The following ZNF555 variants were observed in gnomAD, a reference collection of about 807,000 sequenced individuals.
ZNF555 encodes the protein zinc finger protein 555.
Under a neutral mutation model 14.0 loss-of-function variants are expected in ZNF555, and 10 were observed. That is an observed-to-expected ratio of 0.72 (90% CI 0.44 to 1.21). The LOEUF is 1.21. Ranked by LOEUF, ZNF555 falls within the 50% of genes most tolerant of loss-of-function variation. ZNF555 has a pLI of 0.00. For missense variants in ZNF555, 747 were observed against 762.0 expected (o/e 0.98, Z 0.23); for synonymous variants, 277 against 262.4 (o/e 1.06, Z -0.54).
intron 1 of ZNF555, among the ~76,000 whole-genome samples, chr19:2,850,106 T>A (rs1349488274): frequency 6.6e-6 from 1 of 152,230 alleles, no homozygotes; most frequent in African/African-American, 2.4e-5. Flanking sequence ...TTTAAGACGC[T>A]ATGGCTACCT....
Position 2,853,981 on chromosome 19 carries a change from G to A in ZNF555, c.*29G>A. The stretch of plus-strand genomic sequence containing the variant: ...CCTTATCCTGAAAGTGGACACTCAA[G>A]GAGTGTGTCTGTAGTTCATTTGCAA... On this transcript the variant is annotated 3_prime_UTR_variant, in exon 4 of 4. Transcript: ENST00000334241. The A allele has an allele frequency of 6.2e-7, 1 of 1,610,044 alleles. No homozygotes were observed. The highest frequency in any genetic ancestry group is 8.5e-7 in the Non-Finnish European group (1 of 1,178,806).
Position 2,854,218 on chromosome 19 carries a change from A to T in ZNF555, c.*266A>T, listed in dbSNP as rs1254223021. ...ACTGACTTAGTGTGACAGGTATTGG[A>T]TATTACGTATCTATTATATTTTCCA... is the stretch of plus-strand genomic sequence containing the variant. On this transcript the variant is annotated 3_prime_UTR_variant, in exon 4 of 4. Coordinates refer to ENST00000334241, the MANE Select transcript of ZNF555 (RefSeq NM_152791.5). 7.1e-6 allele frequency: 3 copies of T among 422,584 alleles called. No individual in the cohort carries two copies. Among genetic ancestry groups the T allele is most frequent in the Non-Finnish European group, 1.3e-5 (3 of 236,784 alleles). The allele number at this position is 422,584 out of a possible 1,614,324, so 26.2% of individuals were successfully genotyped here. A position where few individuals can be genotyped will look rare whatever the true frequency, so the allele number is the denominator to read the frequency against.
intron 1 of ZNF555, chr19:2,847,199 G>C (rs910536311): frequency 1.3e-5 from 2 of 152,186 alleles, no homozygotes; most frequent in African/African-American, 4.8e-5. Context: ...CGATGCGGTA[G>C]TATTCCTCGT....
chr19:2,841,716 G>T (rs575869117), intron 1 of ZNF555, 141 bp downstream of exon 1: 3 of 1,020,904 alleles, frequency 2.9e-6, no homozygotes, highest in Non-Finnish European at 1.3e-6. Context: ...GGCCCCGGGG[G>T]TCCCGCCCGG....
At chr19:2,846,174 G>A (rs144926403) in intron 1 of ZNF555, among the ~76,000 whole-genome samples, 12 of 152,328 alleles carry the variant, frequency 7.9e-5, no homozygotes, top group Admixed American at 3.3e-4. Context: ...GCATGTCTGT[G>A]ATACCAGTTC....
rs552737562 is a variant in ZNF555, at chr19:2,857,625, T to C, written c.*3673T>C. The stretch of plus-strand genomic sequence containing the variant: ...AAAACTCATAAGGCTACTCTTAAAA[T>C]AGCAAATTTTGTTGTATGTATATTT... On this transcript the variant is annotated 3_prime_UTR_variant, in exon 4 of 4. Transcript: ENST00000334241. The C allele has an allele frequency of 9.8e-5, 15 of 152,336 alleles. No individual in the cohort carries two copies. The highest frequency in any genetic ancestry group is 8.5e-4 in the Admixed American group (13 of 15,296). The allele number at this position is 152,336 out of a possible 1,614,324, so 9.4% of individuals were successfully genotyped here.
chr19:2,851,221 C>T (rs2087627142), intron 2 of ZNF555, among the ~76,000 whole-genome samples: 1 of 152,026 alleles, frequency 6.6e-6, no homozygotes, highest in Admixed American at 6.5e-5. Context: ...TGCTCTTGAA[C>T]TCCTGACGTT....
In ZNF555 at chr19:2,856,534, C is replaced by G. The variant is rs2144862216; in HGVS notation, c.*2582C>G. 1.3e-5 allele frequency: 2 copies of G among 152,258 alleles called. No individual in the cohort carries two copies. Among genetic ancestry groups the G allele is most frequent in the South Asian group, 4.1e-4 (2 of 4,828 alleles). 9.4% of individuals were successfully genotyped at this position (152,258 alleles called of 1,614,324 possible). On this transcript the variant is annotated 3_prime_UTR_variant, in exon 4 of 4. Transcript: ENST00000334241. ...ATGATTTCTTATTTGTGGTTAATAA[C>G]AATTAAAAAGCGGAAATAATGGTTT... is the stretch of plus-strand genomic sequence containing the variant.
rs2087638429 is a variant in ZNF555, at chr19:2,852,424, G to A, written c.359G>A (p.Cys120Tyr). ...AGACTCTGTGAAAGTAATGATCAAT[G>A]TGGAGAAGCCCTCAGCCAGATTCCA... Reference protein sequence around the residue: ...LERLCESNDQCGEALSQIPHL... With the variant: ...LERLCESNDQYGEALSQIPHL... The change falls in exon 4 of 4, where the codon TGT (cysteine) becomes TAT (tyrosine). Residue 120 changes from cysteine to tyrosine, a missense_variant. Cys to Tyr is a radical substitution (Grantham distance 194). Transcript: ENST00000334241. 3.1e-6 allele frequency: 5 copies of A among 1,614,154 alleles called. No homozygotes were observed. Among genetic ancestry groups the A allele is most frequent in the Non-Finnish European group, 4.2e-6 (5 of 1,180,028 alleles).
rs1432530748 is a variant in ZNF555 at position 2,855,747 on chromosome 19, G to T, written c.*1795G>T. The T allele has an allele frequency of 6.6e-6, 1 of 152,142 alleles. No homozygotes were observed. The highest frequency in any genetic ancestry group is 6.5e-5 in the Admixed American group (1 of 15,270). 9.4% of individuals were successfully genotyped at this position (152,142 alleles called of 1,614,324 possible). The stretch of plus-strand genomic sequence containing the variant: ...GCAGGACCATGCTTTTTCTGAAGAT[G>T]CTAGGGAAGGATCTGTTTCAGAACT... On this transcript the variant is annotated 3_prime_UTR_variant, in exon 4 of 4. Transcript: ENST00000334241.
intron 1 of ZNF555, among the ~76,000 whole-genome samples, chr19:2,844,064 C>A (rs2087561096): frequency 7.0e-6 from 1 of 142,744 alleles, no homozygotes; most frequent in Non-Finnish European, 1.5e-5. Flanking sequence ...TCTTTTTTTT[C>A]TTTCTCCCTC....
chr19:2,851,704 T>C (rs2087632146), intron 3 of ZNF555, 53 bp downstream of exon 3: 22 of 1,389,676 alleles, frequency 1.6e-5, no homozygotes, highest in Non-Finnish European at 2.0e-5. Flanking sequence ...TCTTAGTCTG[T>C]CATTAAACTT....
rs997271928 is a variant in ZNF555, at chr19:2,857,155, T to C, written c.*3203T>C. 1.3e-5 allele frequency: 2 copies of C among 152,202 alleles called. No individual in the cohort carries two copies. Among genetic ancestry groups the C allele is most frequent in the Non-Finnish European group, 2.9e-5 (2 of 68,044 alleles). 9.4% of individuals were successfully genotyped at this position (152,202 alleles called of 1,614,324 possible). A position where few individuals can be genotyped will look rare whatever the true frequency, so the allele number is the denominator to read the frequency against. ...TTAAAGAGCAAACAATATCCAGTAATCTCCATTACTTTCCATGTTAACATA... is the reference window on the plus strand; with the variant it reads ...TTAAAGAGCAAACAATATCCAGTAACCTCCATTACTTTCCATGTTAACATA... On this transcript the variant is annotated 3_prime_UTR_variant, in exon 4 of 4. Transcript: ENST00000334241.
At position 2,852,376 on chromosome 19, in the gene ZNF555, T is replaced by G. The variant is rs1197314506; in HGVS notation, c.315-4T>G. On this transcript the variant is annotated splice_polypyrimidine_tract_variant and splice_region_variant and intron_variant, in intron 3 of 3. Coordinates refer to ENST00000334241, the MANE Select transcript of ZNF555 (RefSeq NM_152791.5). ...CAAACCAATAACATGCTTCTCATTT[T>G]TAGTAGAAATCATGGGTTGGAGAGA... 6.2e-7 allele frequency: 1 copy of G among 1,613,986 alleles called. No homozygotes were observed. Among genetic ancestry groups the G allele is most frequent in the African/African-American group, 1.3e-5 (1 of 75,042 alleles).
rs2087534739 is a variant in ZNF555, at chr19:2,841,484, G to C, written c.-89G>C. 3 of 1,537,246 alleles carry C rather than the reference G, an allele frequency of 2.0e-6. No homozygotes were observed. The highest frequency in any genetic ancestry group is 2.6e-6 in the Non-Finnish European group (3 of 1,138,456). On this transcript the variant is annotated 5_prime_UTR_variant, in exon 1 of 4. Transcript: ENST00000334241. ...GGGACGGGACGCCTCTGTCCTAGCCGTGAGTGCCCCGCCTGCCCCTAGCGG... is the reference window on the plus strand; with the variant it reads ...GGGACGGGACGCCTCTGTCCTAGCCCTGAGTGCCCCGCCTGCCCCTAGCGG...
chr19:2,843,911 C>T (rs1020133755), intron 1 of ZNF555, among the ~76,000 whole-genome samples: 1 of 152,104 alleles, frequency 6.6e-6, no homozygotes, highest in African/African-American at 2.4e-5. Flanking sequence ...CTCTATTGCC[C>T]AGGCTAGAAT....
chr19:2,853,907 G>GGA lies in ZNF555; in HGVS notation c.1849_1850dup (p.Asp617GlufsTer3), dbSNP rs1402682838. 4 of 1,613,924 alleles carry GGA rather than the reference G, an allele frequency of 2.5e-6. No individual in the cohort carries two copies. The highest frequency in any genetic ancestry group is 3.4e-6 in the Non-Finnish European group (4 of 1,180,030). On this transcript the variant is annotated frameshift_variant, in exon 4 of 4. Coordinates refer to ENST00000334241, the MANE Select transcript of ZNF555 (RefSeq NM_152791.5). LOFTEE classifies it low-confidence loss of function (END_TRUNC). ...GCAGTGCTTCAGAAAAGTCACACCA[G>GGA]GAGAGAGATCTGATCAAAGTTGTAA...
intron 1 of ZNF555, among the ~76,000 whole-genome samples, chr19:2,842,715 G>C (rs1039343805): frequency 2.0e-5 from 3 of 152,164 alleles, no homozygotes; most frequent in Non-Finnish European, 2.9e-5. Flanking sequence ...TTTAGGAAGT[G>C]AAACGTACAT....
chr19:2,853,258 G>A lies in ZNF555; in HGVS notation c.1193G>A (p.Cys398Tyr). ...RTHGGEKPYE[C>Y]NQCGKAFSHP... ...CATGGTGGAGAGAAACCCTATGAAT[G>A]CAACCAGTGCGGGAAAGCATTCAGT... Residue 398 changes from cysteine to tyrosine, a missense_variant, in exon 4 of 4, where the codon TGC (cysteine) becomes TAC (tyrosine). Physicochemically the swap from Cys to Tyr is radical, Grantham distance 194 (BLOSUM62 -2). Transcript: ENST00000334241. The A allele has an allele frequency of 1.2e-6, 2 of 1,614,120 alleles. No homozygotes were observed. Among genetic ancestry groups the A allele is most frequent in the Non-Finnish European group, 1.7e-6 (2 of 1,180,006 alleles).
Sources: gnomAD v4.1 joint callset for allele counts (sites outside exome capture counted in the v4.1 genomes callset) on GRCh38, gnomAD v4.1.1 for gene constraint, MANE v1.5 for transcripts, NCBI Gene and HGNC (gene_info 2026-07-23, HGNC 2026-07-21) for gene names.